The following ABCA4 variants were observed in gnomAD, a reference collection of about 807,000 sequenced individuals.
ABCA4 encodes the protein retinal-specific phospholipid-transporting ATPase ABCA4.
ABCA4 carries 196 observed loss-of-function variants against 263.7 expected under a neutral mutation model. The observed-to-expected ratio is 0.74, with a 90% CI of 0.66 to 0.84. ABCA4 has a LOEUF of 0.84. Ranked by LOEUF, ABCA4 falls within the 40% of genes least tolerant of loss-of-function variation. The pLI is 0.00. For synonymous variants in ABCA4, 1,133 were observed against 1,094.2 expected, an observed-to-expected ratio of 1.04 and a Z score of -0.70; for missense variants, 2,792 against 2,855.1, an observed-to-expected ratio of 0.98 and a Z score of 0.50.
At chr1:94,101,360 ACAGGGCCTGGCCGGAGCCGCACCACC>A (rs1662283349) in intron 5 of ABCA4, among the ~76,000 whole-genome samples, 3 of 152,210 alleles carry the variant, frequency 2.0e-5, no homozygotes, top group Admixed American at 2.0e-4. Flanking sequence ...AGGAAGCTAA[ACAGGGCCTGGCCGGAGCCGCACCACC>A]CAGGGCCTGG....
At chr1:94,099,104 C>G in intron 5 of ABCA4, 113 bp from the exon 6 acceptor site, 1 of 1,211,604 alleles carries the variant, frequency 8.3e-7, no homozygotes, top group Non-Finnish European at 1.2e-6. Flanking sequence ...GAATTAAGAT[C>G]GCAGATGGGA....
intron 38 of ABCA4, among the ~76,000 whole-genome samples, chr1:94,013,285 G>A (rs140890644): frequency 8.0e-4 from 122 of 152,238 alleles, no homozygotes; most frequent in African/African-American, 2.7e-3. Context: ...GGACAGATGA[G>A]GCTTCGTTAC....
intron 4 of ABCA4, among the ~76,000 whole-genome samples, chr1:94,105,065 C>G (rs1428778084): frequency 6.6e-6 from 1 of 152,174 alleles, no homozygotes; most frequent in Non-Finnish European, 1.5e-5. Flanking sequence ...GAGTTGGGGG[C>G]TATGGCTCCT....
At position 94,077,838 on chromosome 1, in the gene ABCA4, C is replaced by T. The variant is rs1418139129; in HGVS notation, c.1406G>A (p.Gly469Asp). 1 of 1,614,234 alleles carries T rather than the reference C, an allele frequency of 6.2e-7. No homozygotes were observed. The highest frequency in any genetic ancestry group is 1.1e-5 in the South Asian group (1 of 91,074). Residue 469 changes from glycine (G) to aspartate (D), a missense_variant, in exon 11 of 50, where the codon GGT becomes GAT. Physicochemically the swap from Gly to Asp is moderately conservative, Grantham distance 94. Transcript: ENST00000370225. ...GGCTTCAGCAGTAATACCTTCTTCACCAAGCTGCCTATTCAAAAAGTCTTT... is the reference window on the plus strand; with the variant it reads ...GGCTTCAGCAGTAATACCTTCTTCATCAAGCTGCCTATTCAAAAAGTCTTT... ...TVKDFLNRQL[G>D]EEGITAEAIL...
rs1477065041 is a variant in ABCA4 at position 94,031,017 on chromosome 1, C to T, written c.4232G>A (p.Gly1411Glu). 2 of 1,613,974 alleles carry T rather than the reference C, an allele frequency of 1.2e-6. No individual in the cohort carries two copies. Among genetic ancestry groups the T allele is most frequent in the Non-Finnish European group, 1.7e-6 (2 of 1,179,972 alleles). ...GCACCTGAAGAAGGTGTACTGCTGC[C>T]CATATATCCAGGGGTGAAGGGTCAA... ...PALTLHPWIY[G>E]QQYTFFSMDE... Residue 1411 changes from glycine (G) to glutamate (E), a missense_variant, in exon 28 of 50, where the codon GGG becomes GAG. Coordinates refer to ENST00000370225, the MANE Select transcript of ABCA4 (RefSeq NM_000350.3).
chr1:94,013,494 G>A (rs950646693), intron 38 of ABCA4, among the ~76,000 whole-genome samples: 57 of 152,180 alleles, frequency 3.7e-4, no homozygotes, highest in African/African-American at 1.4e-3. Flanking sequence ...ACTGGGAAGA[G>A]CTAATGAGGA....
At chr1:94,081,278 G>C (rs976790690) in intron 7 of ABCA4, among the ~76,000 whole-genome samples, 5 of 152,166 alleles carry the variant, frequency 3.3e-5, no homozygotes, top group Non-Finnish European at 7.3e-5. Flanking sequence ...GAGCACTGTA[G>C]TATAGCCTCT....
At chr1:94,016,236 C>T (rs1008110971) in intron 36 of ABCA4, among the ~76,000 whole-genome samples, 3 of 152,062 alleles carry the variant, frequency 2.0e-5, no homozygotes, top group African/African-American at 7.3e-5. Flanking sequence ...ATAATGATAC[C>T]CTTTTTAAAC....
At chr1:94,070,416 T>A (rs1031730457) in intron 11 of ABCA4, among the ~76,000 whole-genome samples, 1 of 152,182 alleles carries the variant, frequency 6.6e-6, no homozygotes, top group African/African-American at 2.4e-5. Flanking sequence ...TCCATTTCTC[T>A]TGAGCTTCAC....
Position 94,063,090 on chromosome 1 carries a change from C to T in ABCA4, c.1760+22G>A, listed in dbSNP as rs61754020. The stretch of plus-strand genomic sequence containing the variant: ...TCCCACTGACTTTGGAGAAATGCAG[C>T]GAGCCCTTCCTGAAACATCACCTGT... On this transcript the variant is annotated intron_variant, in intron 12 of 49. Coordinates refer to ENST00000370225, the MANE Select transcript of ABCA4 (RefSeq NM_000350.3). 50 of 1,600,596 alleles carry T rather than the reference C, an allele frequency of 3.1e-5. No homozygotes were observed. In the African/African-American group the frequency reaches 3.2e-4, roughly 10 times the overall value.
At chr1:94,006,156 A>G (rs1659378500) in intron 43 of ABCA4, among the ~76,000 whole-genome samples, 1 of 152,188 alleles carries the variant, frequency 6.6e-6, no homozygotes, top group Non-Finnish European at 1.5e-5. Context: ...TAAACTATAC[A>G]TAGACATTTA....
At chr1:94,043,914 G>A (rs898388998) in intron 20 of ABCA4, among the ~76,000 whole-genome samples, 5 of 152,006 alleles carry the variant, frequency 3.3e-5, no homozygotes, top group African/African-American at 1.2e-4. Context: ...ATAACTCAGC[G>A]GTTATCTCTG....
chr1:94,098,699 A>T lies in ABCA4; in HGVS notation c.768+95T>A, dbSNP rs1662201030. Reference sequence around the variant, plus strand: ...GGAGCTTTTGCAAGGATTGTCCAGAACACCAGGCTCACGCCCTCCCCAAGG... The same window carrying T: ...GGAGCTTTTGCAAGGATTGTCCAGATCACCAGGCTCACGCCCTCCCCAAGG... On this transcript the variant is annotated intron_variant, in intron 6 of 49. Transcript: ENST00000370225. 6.4e-6 allele frequency: 9 copies of T among 1,416,544 alleles called. No homozygotes were observed. The Admixed American group carries it at 1.6e-4, about 25-fold the overall frequency. The allele number at this position is 1,416,544 out of a possible 1,614,324, so 87.7% of individuals were successfully genotyped here.
intron 30 of ABCA4, among the ~76,000 whole-genome samples, chr1:94,028,228 A>G (rs1244487275): frequency 6.6e-6 from 1 of 152,164 alleles, no homozygotes; most frequent in Non-Finnish European, 1.5e-5. Flanking sequence ...TTATTCATTG[A>G]CAAATCATTG....
intron 1 of ABCA4, among the ~76,000 whole-genome samples, chr1:94,113,813 T>C (rs1303127612): frequency 6.6e-6 from 1 of 152,240 alleles, no homozygotes; most frequent in Non-Finnish European, 1.5e-5. Flanking sequence ...GATGTTAACA[T>C]ATGGTTGAAA....
At chr1:94,099,874 C>G (rs548122) in intron 5 of ABCA4, among the ~76,000 whole-genome samples, 60,493 of 151,998 alleles carry the variant, frequency 0.4, 12,461 homozygotes, top group East Asian at 0.56. Context: ...GATAGTGGTT[C>G]TTGAAGTACA....
At chr1:94,085,967 C>T (rs1284341381) in intron 6 of ABCA4, among the ~76,000 whole-genome samples, 1 of 152,090 alleles carries the variant, frequency 6.6e-6, no homozygotes, top group African/African-American at 2.4e-5. Context: ...CCCTGCCCAG[C>T]CACGCTCTCT....
At chr1:94,033,525 T>A (rs1256848449) in intron 26 of ABCA4, among the ~76,000 whole-genome samples, 1 of 152,168 alleles carries the variant, frequency 6.6e-6, no homozygotes, top group African/African-American at 2.4e-5. Flanking sequence ...CATTGCAAGT[T>A]GTCGGTTATG....
At chr1:94,061,196 A>G (rs1661115675) in intron 13 of ABCA4, among the ~76,000 whole-genome samples, 1 of 152,208 alleles carries the variant, frequency 6.6e-6, no homozygotes, top group Non-Finnish European at 1.5e-5. Flanking sequence ...TGGCTCCCCA[A>G]GGGGTCAGCC....
Sources: allele counts gnomAD v4.1 joint callset (sites outside exome capture counted in the v4.1 genomes callset), GRCh38; gene constraint gnomAD v4.1.1; transcripts MANE v1.5; gene names NCBI Gene and HGNC (gene_info 2026-07-23, HGNC 2026-07-21).